TMEM132C: variants seen among roughly 807,000 people sequenced by gnomAD.
TMEM132C encodes the protein transmembrane protein 132C.
A neutral mutation model predicts 61.4 loss-of-function variants in TMEM132C; 29 were observed. The observed-to-expected ratio is 0.47, with a 90% CI of 0.35 to 0.64. The LOEUF is 0.64. Among genes scored for constraint, TMEM132C ranks in the 30% least tolerant of loss-of-function variants. The probability of loss-of-function intolerance (pLI) is 0.00; values close to 1 mark genes in which losing one functional copy is unlikely to be tolerated. For missense variants in TMEM132C, 1,408 were observed against 1,476.9 expected, an observed-to-expected ratio of 0.95 and a Z score of 0.76; for synonymous variants, 656 against 633.1, an observed-to-expected ratio of 1.04 and a Z score of -0.54.
chr12:128,325,515 T>C (rs1018920990), intron 1 of TMEM132C, among the ~76,000 whole-genome samples: 1 of 152,352 alleles, frequency 6.6e-6, no homozygotes, highest in African/African-American at 2.4e-5. Context: ...TACATGCATG[T>C]ATATACATGC....
At chr12:128,534,264 C>T (rs535717621) in intron 2 of TMEM132C, among the ~76,000 whole-genome samples, 2 of 152,310 alleles carry the variant, frequency 1.3e-5, no homozygotes, top group South Asian at 2.1e-4. Context: ...CAGTGATCAA[C>T]GTGCCTTGTA....
At chr12:128,652,217 C>T (rs1169727378) in intron 4 of TMEM132C, among the ~76,000 whole-genome samples, 1 of 152,130 alleles carries the variant, frequency 6.6e-6, no homozygotes, top group Non-Finnish European at 1.5e-5. Context: ...TGAGAGAACC[C>T]TTACCCCATC....
rs138908508 is a variant in TMEM132C at position 128,612,548 on chromosome 12, A to G, written c.1122-3604A>G. Among the ~76,000 whole-genome samples the G allele has an allele frequency of 3.8e-3, 584 of 152,306 alleles. 6 individuals are homozygous for G. The highest frequency in any genetic ancestry group is 0.013 in the African/African-American group (551 of 41,566). ...TTGAAGAGCAAGTTGATGCAAACAC[A>G]CTTTCTGGCTGCAGAGGTTCAAAAG... is the stretch of plus-strand genomic sequence containing the variant. On this transcript the variant is annotated intron_variant, in intron 3 of 8. Transcript: ENST00000435159.
chr12:128,587,351 C>T (rs576360651), intron 3 of TMEM132C, among the ~76,000 whole-genome samples: 1 of 152,298 alleles, frequency 6.6e-6, no homozygotes, highest in East Asian at 1.9e-4. Flanking sequence ...GCCATCCTCT[C>T]TCTCGAATCT....
At chr12:128,674,647 C>T (rs984403164) in intron 5 of TMEM132C, among the ~76,000 whole-genome samples, 2 of 152,194 alleles carry the variant, frequency 1.3e-5, no homozygotes, top group Non-Finnish European at 2.9e-5. Context: ...GTGTGCTCAC[C>T]TGGCAACACT....
At chr12:128,516,206 A>G (rs964529520) in intron 2 of TMEM132C, among the ~76,000 whole-genome samples, 1 of 152,206 alleles carries the variant, frequency 6.6e-6, no homozygotes, top group African/African-American at 2.4e-5. Flanking sequence ...GAAAATACTC[A>G]TAACACCTTT....
chr12:128,391,843 A>G (rs1453370580), intron 1 of TMEM132C, among the ~76,000 whole-genome samples: 4 of 152,224 alleles, frequency 2.6e-5, no homozygotes, highest in African/African-American at 9.6e-5. Context: ...CCTTGGGCCA[A>G]ACCCCTGCCG....
chr12:128,680,790 G>T (rs1172084222), intron 5 of TMEM132C, among the ~76,000 whole-genome samples: 1 of 152,142 alleles, frequency 6.6e-6, no homozygotes, highest in Admixed American at 6.5e-5. Flanking sequence ...ATAATATCCT[G>T]TTCTAATAAA....
intron 5 of TMEM132C, among the ~76,000 whole-genome samples, chr12:128,686,413 G>A (rs1954677425): frequency 6.6e-6 from 1 of 152,212 alleles, no homozygotes; most frequent in South Asian, 2.1e-4. Flanking sequence ...AACATAGCAA[G>A]ACCCCATCTC....
intron 3 of TMEM132C, among the ~76,000 whole-genome samples, chr12:128,611,017 A>G (rs1207662567): frequency 6.6e-6 from 1 of 152,218 alleles, no homozygotes; most frequent in African/African-American, 2.4e-5. Context: ...TGCTAAAAAC[A>G]AGAAACAGCT....
chr12:128,498,059 T>A (rs760506640), intron 2 of TMEM132C, among the ~76,000 whole-genome samples: 1 of 152,290 alleles, frequency 6.6e-6, no homozygotes, highest in African/African-American at 2.4e-5. Flanking sequence ...CCCCCTAGCA[T>A]GTTTGGGTGG....
intron 4 of TMEM132C, among the ~76,000 whole-genome samples, chr12:128,632,013 G>A (rs570027426): frequency 4.2e-4 from 64 of 152,260 alleles, no homozygotes; most frequent in South Asian, 2.7e-3. Context: ...AAGGGGGGCT[G>A]ACAAACCCCA....
At chr12:128,360,051 G>A (rs1012635630) in intron 1 of TMEM132C, among the ~76,000 whole-genome samples, 3 of 152,158 alleles carry the variant, frequency 2.0e-5, no homozygotes, top group Non-Finnish European at 2.9e-5. Flanking sequence ...GGTTGTGCCT[G>A]CATTTTGTTC....
chr12:128,462,193 C>T (rs1243152441), intron 2 of TMEM132C, among the ~76,000 whole-genome samples: 2 of 152,202 alleles, frequency 1.3e-5, no homozygotes, highest in Non-Finnish European at 1.5e-5. Flanking sequence ...GCAACCTCCA[C>T]CTCCTGGGTT....
intron 2 of TMEM132C, among the ~76,000 whole-genome samples, chr12:128,524,716 T>G (rs186715219): frequency 6.6e-6 from 1 of 152,256 alleles, no homozygotes; most frequent in East Asian, 1.9e-4. Flanking sequence ...CTGCTCTCAT[T>G]TCCTTCTTTA....
intron 2 of TMEM132C, among the ~76,000 whole-genome samples, chr12:128,422,287 A>G (rs1216645072): frequency 6.6e-6 from 1 of 151,202 alleles, no homozygotes; most frequent in East Asian, 1.9e-4. Context: ...AATCAGTGTT[A>G]GTTTGACTCA....
intron 5 of TMEM132C, among the ~76,000 whole-genome samples, chr12:128,676,341 A>G (rs963206117): frequency 1.3e-5 from 2 of 150,628 alleles, no homozygotes; most frequent in African/African-American, 5.0e-5. Context: ...CCCAGCAAGG[A>G]TAACTATACA....
At chr12:128,566,047 G>A (rs912138216) in intron 3 of TMEM132C, among the ~76,000 whole-genome samples, 4 of 152,020 alleles carry the variant, frequency 2.6e-5, no homozygotes, top group Non-Finnish European at 5.9e-5. Flanking sequence ...GTGCCACCAT[G>A]CCCAGATAGT....
At chr12:128,554,046 T>A (rs1350747348) in intron 3 of TMEM132C, among the ~76,000 whole-genome samples, 1 of 152,262 alleles carries the variant, frequency 6.6e-6, no homozygotes, top group Non-Finnish European at 1.5e-5. Flanking sequence ...AAACACTTTC[T>A]GTCCACGTGA....
Sources: allele counts gnomAD v4.1 joint callset (sites outside exome capture counted in the v4.1 genomes callset), GRCh38; gene constraint gnomAD v4.1.1; transcripts MANE v1.5; gene names NCBI Gene and HGNC (gene_info 2026-07-23, HGNC 2026-07-21).